GLIS3: variants seen among roughly 807,000 people sequenced by gnomAD.
GLIS3 encodes zinc finger protein GLIS3.
A neutral mutation model predicts 78.6 loss-of-function variants in GLIS3; 53 were observed. The ratio of observed to expected loss-of-function variants is 0.67; its 90% confidence interval spans 0.54 to 0.85. The LOEUF is 0.85. GLIS3 is among the 40% of genes least tolerant of loss of function. The pLI is 0.00. For missense variants in GLIS3, 1,703 were observed against 1,231.1 expected (o/e 1.38, Z -5.74); for synonymous variants, 684 against 509.9 (o/e 1.34, Z -4.60).
intron 4 of GLIS3, among the ~76,000 whole-genome samples, chr9:4,083,572 C>T (rs1188820832): frequency 1.3e-5 from 2 of 152,250 alleles, no homozygotes; most frequent in East Asian, 3.9e-4. Context: ...GTCATACAGC[C>T]AATCTATAGG....
chr9:3,961,243 A>T (rs890520868), intron 4 of GLIS3, among the ~76,000 whole-genome samples: 33 of 152,180 alleles, frequency 2.2e-4, no homozygotes, highest in African/African-American at 8.0e-4. Context: ...CTGACCCCAG[A>T]AGATGTGGAA....
chr9:4,170,695 G>A (rs959047412), intron 2 of GLIS3, among the ~76,000 whole-genome samples: 1 of 152,164 alleles, frequency 6.6e-6, no homozygotes. Flanking sequence ...TCTCCATTTT[G>A]GAAAGACTTC....
At chr9:4,314,236 G>C (rs745702008) in intron 2 of GLIS3, among the ~76,000 whole-genome samples, 34 of 152,326 alleles carry the variant, frequency 2.2e-4, no homozygotes, top group Non-Finnish European at 1.6e-4. Flanking sequence ...TCAAATGTGA[G>C]CTGGTGTTGT....
At chr9:4,380,555 A>G in the GLIS3 span, among the ~76,000 whole-genome samples, 1 of 152,228 alleles carries the variant, frequency 6.6e-6, no homozygotes, top group South Asian at 2.1e-4. Flanking sequence ...ACATAGGAGA[A>G]CTTGTTAACT....
intron 4 of GLIS3, among the ~76,000 whole-genome samples, chr9:3,973,000 T>TG (rs1035229773): frequency 6.6e-6 from 1 of 152,066 alleles, no homozygotes; most frequent in Non-Finnish European, 1.5e-5. Flanking sequence ...TCTATGGTGG[T>TG]GGGGGGTTCC....
intron 2 of GLIS3, among the ~76,000 whole-genome samples, chr9:4,282,694 T>C (rs1481056831): frequency 3.3e-5 from 5 of 152,180 alleles, no homozygotes; most frequent in Admixed American, 6.5e-5. Flanking sequence ...TCCTGGAACC[T>C]GCCACTCTCC....
intron 2 of GLIS3, among the ~76,000 whole-genome samples, chr9:4,184,912 G>A (rs1586908952): frequency 6.6e-6 from 1 of 152,132 alleles, no homozygotes. Context: ...TACAGCCACA[G>A]TTGCTGACAT....
chr9:4,328,618 G>T lies in GLIS3; in HGVS notation n.265-18090C>A, dbSNP rs1280706180. Among the ~76,000 whole-genome samples the T allele has an allele frequency of 2.6e-5, 4 of 152,354 alleles. No individual in the cohort carries two copies. In the East Asian group the frequency reaches 7.7e-4, roughly 29 times the overall value. On this transcript the variant is annotated intron_variant and non_coding_transcript_variant, in intron 2 of 4. Transcript: ENST00000471664. ...TCTGAACCAAATCATGATTATGTAT[G>T]TTAAGAAGCAAGGAAGTCGTCCTGA...
At chr9:3,904,267 C>T (rs1020025311) in intron 6 of GLIS3, among the ~76,000 whole-genome samples, 1 of 152,160 alleles carries the variant, frequency 6.6e-6, no homozygotes, top group African/African-American at 2.4e-5. Context: ...AGATTATCCC[C>T]TACAATCTGG....
At chr9:4,444,731 A>T in the GLIS3 span, among the ~76,000 whole-genome samples, 1 of 152,224 alleles carries the variant, frequency 6.6e-6, no homozygotes, top group African/African-American at 2.4e-5. Context: ...TGGCATTTGC[A>T]TGCCTTACAC....
At position 3,938,004 on chromosome 9, in the gene GLIS3, T is replaced by C. The variant is rs1362066107; in HGVS notation, c.1711-815A>G. Reference sequence around the variant, plus strand: ...TTTATTGACAGTAACATTTACTCAATGTCTTCTGAGGGCAAAATATCAGCT... The same window carrying C: ...TTTATTGACAGTAACATTTACTCAACGTCTTCTGAGGGCAAAATATCAGCT... On this transcript the variant is annotated intron_variant, in intron 4 of 10. Transcript: ENST00000381971. 2.6e-5 allele frequency among the ~76,000 whole-genome samples: 4 copies of C among 152,232 alleles called. No homozygotes were observed. The East Asian group carries it at 7.7e-4, about 29-fold the overall frequency.
intron 4 of GLIS3, among the ~76,000 whole-genome samples, chr9:4,017,056 A>T (rs1051451573): frequency 1.3e-5 from 2 of 152,208 alleles, no homozygotes; most frequent in Non-Finnish European, 2.9e-5. Context: ...TGCTTCTGAG[A>T]AGGGCAGTTT....
chr9:4,391,217 G>T, the GLIS3 span, among the ~76,000 whole-genome samples: 1 of 152,172 alleles, frequency 6.6e-6, no homozygotes, highest in Non-Finnish European at 1.5e-5. Flanking sequence ...ACTCATCTCT[G>T]GTGGAAGGGA....
At chr9:4,116,429 T>TATC in intron 4 of GLIS3, among the ~76,000 whole-genome samples, 1 of 152,384 alleles carries the variant, frequency 6.6e-6, no homozygotes, top group South Asian at 2.1e-4. Flanking sequence ...TCTCGCAATG[T>TATC]ATCAGCTTCA....
chr9:4,376,596 G>A, the GLIS3 span, among the ~76,000 whole-genome samples: 1 of 134,800 alleles, frequency 7.4e-6, no homozygotes, highest in Non-Finnish European at 1.7e-5. Context: ...TAGGTAGTTG[G>A]TTCCGTCCTA....
chr9:4,189,541 G>A (rs939413638), intron 2 of GLIS3, among the ~76,000 whole-genome samples: 2 of 151,956 alleles, frequency 1.3e-5, no homozygotes, highest in Non-Finnish European at 2.9e-5. Context: ...TCAATTCCTG[G>A]GTATCGTTGT....
chr9:4,408,749 T>TAG, the GLIS3 span, among the ~76,000 whole-genome samples: 1 of 111,652 alleles, frequency 9.0e-6, no homozygotes, highest in African/African-American at 3.9e-5. Flanking sequence ...AAAAAAAAAA[T>TAG]AGAGAGAATG....
chr9:4,073,769 T>C (rs961098466), intron 4 of GLIS3, among the ~76,000 whole-genome samples: 3 of 152,140 alleles, frequency 2.0e-5, no homozygotes, highest in African/African-American at 7.2e-5. Flanking sequence ...ATCTCTCATA[T>C]GGGTATAATA....
the GLIS3 span, among the ~76,000 whole-genome samples, chr9:4,464,593 C>G: frequency 2.5e-4 from 38 of 152,084 alleles, no homozygotes; most frequent in African/African-American, 8.9e-4. Flanking sequence ...CGGGATTTCA[C>G]CATGTTGGCC....
Sources: gnomAD v4.1 joint callset for allele counts (sites outside exome capture counted in the v4.1 genomes callset) on GRCh38, gnomAD v4.1.1 for gene constraint, MANE v1.5 for transcripts, NCBI Gene and HGNC (gene_info 2026-07-23, HGNC 2026-07-21) for gene names.